CDH9: variants seen among roughly 807,000 people sequenced by gnomAD.
The protein encoded by CDH9 is cadherin-9.
CDH9 carries 28 observed loss-of-function variants against 70.9 expected under a neutral mutation model. The observed-to-expected ratio is 0.40, with a 90% CI of 0.29 to 0.54. The LOEUF is 0.54. Among genes scored for constraint, CDH9 ranks in the 20% least tolerant of loss-of-function variants. CDH9 has a pLI of 0.59. For missense variants in CDH9, 874 were observed against 984.4 expected, an observed-to-expected ratio of 0.89 and a Z score of 1.50; for synonymous variants, 409 against 343.1, an observed-to-expected ratio of 1.19 and a Z score of -2.12.
At chr5:27,013,994 G>T (rs1549642) in intron 1 of CDH9, among the ~76,000 whole-genome samples, 79,081 of 151,730 alleles carry the variant, frequency 0.52, 22,104 homozygotes, top group African/African-American at 0.69. Flanking sequence ...AGGAACTAGG[G>T]TTGGTTTTCT....
chr5:26,987,903 A>G (rs980488153), intron 2 of CDH9, among the ~76,000 whole-genome samples: 1 of 152,138 alleles, frequency 6.6e-6, no homozygotes, highest in Admixed American at 6.6e-5. Context: ...TTAGTAGTTT[A>G]CGCTTATTAT....
At chr5:26,943,102 T>C (rs1285580127) in intron 2 of CDH9, among the ~76,000 whole-genome samples, 2 of 152,196 alleles carry the variant, frequency 1.3e-5, no homozygotes, top group African/African-American at 4.8e-5. Flanking sequence ...TTTGCCCAGA[T>C]ACTTTAAGAA....
intron 2 of CDH9, among the ~76,000 whole-genome samples, chr5:26,987,652 G>A (rs2112091076): frequency 6.6e-6 from 1 of 151,900 alleles, no homozygotes; most frequent in African/African-American, 2.4e-5. Context: ...TTTAAATCTT[G>A]TCTTTATCCT....
chr5:27,011,543 TAGGCCTCCAGAACTG>T (rs1157287926), intron 1 of CDH9, among the ~76,000 whole-genome samples: 1 of 152,070 alleles, frequency 6.6e-6, no homozygotes. Flanking sequence ...CTTTCAGATT[TAGGCCTCCAGAACTG>T]AGAGAGAACA....
At chr5:26,982,671 A>C (rs1207201901) in intron 2 of CDH9, among the ~76,000 whole-genome samples, 1 of 151,912 alleles carries the variant, frequency 6.6e-6, no homozygotes, top group African/African-American at 2.4e-5. Flanking sequence ...TGCTATGAAT[A>C]AGTTTTTTTT....
intron 1 of CDH9, among the ~76,000 whole-genome samples, chr5:27,001,844 ACT>A (rs141271541): frequency 0.088 from 12,525 of 141,708 alleles, 524 homozygotes; most frequent in Middle Eastern, 0.12. Context: ...ACACACACAC[ACT>A]CTCTCTCTCT....
chr5:27,006,970 C>A (rs1284178253), intron 1 of CDH9, among the ~76,000 whole-genome samples: 1 of 151,718 alleles, frequency 6.6e-6, no homozygotes, highest in Non-Finnish European at 1.5e-5. Context: ...TAGAATACTG[C>A]CCCTAGAAGT....
intron 2 of CDH9, among the ~76,000 whole-genome samples, chr5:26,942,171 G>T (rs770307341): frequency 6.6e-6 from 1 of 152,172 alleles, no homozygotes; most frequent in Non-Finnish European, 1.5e-5. Flanking sequence ...TCACATGGTG[G>T]CAGAAAGAAG....
chr5:26,974,283 T>C (rs1179713103), intron 2 of CDH9, among the ~76,000 whole-genome samples: 2 of 151,876 alleles, frequency 1.3e-5, no homozygotes, highest in African/African-American at 2.4e-5. Context: ...AGGCCATCTA[T>C]AGCAAGCAAA....
At chr5:27,005,568 G>A (rs1477451506) in intron 1 of CDH9, among the ~76,000 whole-genome samples, 1 of 152,098 alleles carries the variant, frequency 6.6e-6, no homozygotes, top group Admixed American at 6.6e-5. Flanking sequence ...CTGATGGTGG[G>A]GGTGTAAACT....
chr5:26,897,472 C>A (rs80034201), intron 7 of CDH9, among the ~76,000 whole-genome samples: 4,247 of 152,110 alleles, frequency 0.028, 121 homozygotes, highest in African/African-American at 0.07. Context: ...TTATCAACCA[C>A]GATCAAGTTG....
At chr5:26,967,895 C>T (rs771965031) in intron 2 of CDH9, among the ~76,000 whole-genome samples, 1 of 151,756 alleles carries the variant, frequency 6.6e-6, no homozygotes, top group Non-Finnish European at 1.5e-5. Context: ...AAATTTTTTG[C>T]AGAGATGAAG....
At chr5:26,990,394 C>G (rs933924433) in intron 1 of CDH9, among the ~76,000 whole-genome samples, 1 of 152,064 alleles carries the variant, frequency 6.6e-6, no homozygotes, top group Non-Finnish European at 1.5e-5. Flanking sequence ...ATATGCTGCT[C>G]TTAATACATA....
intron 2 of CDH9, among the ~76,000 whole-genome samples, chr5:26,987,825 A>C (rs1742513088): frequency 6.6e-6 from 1 of 152,094 alleles, no homozygotes; most frequent in Non-Finnish European, 1.5e-5. Context: ...AGTTTTATTT[A>C]GATAATACAC....
intron 3 of CDH9, among the ~76,000 whole-genome samples, chr5:26,911,484 G>A (rs560177949): frequency 6.6e-6 from 1 of 152,022 alleles, no homozygotes; most frequent in Non-Finnish European, 1.5e-5. Flanking sequence ...TCCTGGTTGG[G>A]GGTCAAAGTG....
rs75977282 is a variant in CDH9 at position 26,894,358 on chromosome 5, A to T, written c.1254-3794T>A. Among the ~76,000 whole-genome samples, 158 of 152,236 alleles carry T rather than the reference A, an allele frequency of 1.0e-3. 1 individual carries two copies. The highest frequency in any genetic ancestry group is 3.7e-3 in the African/African-American group (154 of 41,566). On this transcript the variant is annotated intron_variant, in intron 7 of 11. Transcript: ENST00000231021. ...TAGCTAACAATTGCAACATGATAAAAATCAAGCTTTGATACACTTGTATCT... is the reference window on the plus strand; with the variant it reads ...TAGCTAACAATTGCAACATGATAAATATCAAGCTTTGATACACTTGTATCT...
intron 2 of CDH9, among the ~76,000 whole-genome samples, chr5:26,920,526 G>A (rs1025669809): frequency 9.2e-5 from 14 of 152,004 alleles, no homozygotes; most frequent in African/African-American, 2.7e-4. Context: ...GAACACAGAC[G>A]GTAGCCAAGC....
chr5:27,032,965 C>T (rs1038486748), intron 1 of CDH9, among the ~76,000 whole-genome samples: 38 of 150,842 alleles, frequency 2.5e-4, no homozygotes, highest in African/African-American at 9.0e-4. Context: ...ATAGCATTAA[C>T]TTCTATGTTA....
rs1052923515 is a variant in CDH9, at chr5:26,947,404, A to G, written c.229-31480T>C. Among the ~76,000 whole-genome samples, 6 of 152,178 alleles carry G rather than the reference A, an allele frequency of 3.9e-5. No homozygotes were observed. The South Asian group carries it at 6.2e-4, about 16-fold the overall frequency. On this transcript the variant is annotated intron_variant, in intron 2 of 11. Transcript: ENST00000231021. ...AGTCCCACAAGACTCTTATAATCCA[A>G]CTGTTCAATGATGTTAGAATATGTG...
Sources: allele counts gnomAD v4.1 joint callset (sites outside exome capture counted in the v4.1 genomes callset), GRCh38; gene constraint gnomAD v4.1.1; transcripts MANE v1.5; gene names NCBI Gene and HGNC (gene_info 2026-07-23, HGNC 2026-07-21).